The following RIT2 variants were observed in gnomAD, a reference collection of about 807,000 sequenced individuals.
RIT2 encodes the protein Ras like without CAAX 2, also known as GTP-binding protein Rit2.
In RIT2, 24 loss-of-function variants were observed where a neutral mutation model predicts 23.7. The ratio of observed to expected loss-of-function variants is 1.01; its 90% CI spans 0.73 to 1.43. RIT2 has a LOEUF of 1.43. RIT2 is among the 40% of genes most tolerant of loss of function. The pLI, the probability that RIT2 is intolerant of heterozygous loss-of-function variation, is 0.00. For missense variants in RIT2, 236 were observed against 266.9 expected (o/e 0.88, Z 0.81); for synonymous variants, 107 against 91.1 (o/e 1.17, Z -0.99).
intron 3 of RIT2, among the ~76,000 whole-genome samples, chr18:42,968,507 A>T (rs1910289969): frequency 6.6e-6 from 1 of 152,180 alleles, no homozygotes; most frequent in South Asian, 2.1e-4. Flanking sequence ...GGGTATGCTT[A>T]GTTCTATCAG....
At chr18:42,967,563 TTG>T (rs1568042221) in intron 3 of RIT2, among the ~76,000 whole-genome samples, 19 of 135,172 alleles carry the variant, frequency 1.4e-4, no homozygotes, top group Middle Eastern at 3.9e-3. Context: ...TTTTTTTTTT[TTG>T]TATTTTTAGT....
At chr18:43,074,142 T>G (rs1912959413) in intron 1 of RIT2, among the ~76,000 whole-genome samples, 1 of 152,158 alleles carries the variant, frequency 6.6e-6, no homozygotes, top group Non-Finnish European at 1.5e-5. Context: ...TTTTGCTATT[T>G]AGGAGCAGCA....
chr18:42,828,703 G>A (rs916098039), intron 4 of RIT2, among the ~76,000 whole-genome samples: 5 of 152,108 alleles, frequency 3.3e-5, no homozygotes, highest in African/African-American at 4.8e-5. Context: ...AAAGTCAAGG[G>A]AACTGTCACC....
chr18:43,052,911 T>C (rs879440699), intron 1 of RIT2, among the ~76,000 whole-genome samples: 19 of 152,052 alleles, frequency 1.2e-4, no homozygotes, highest in East Asian at 3.9e-4. Flanking sequence ...TAAAGGCACA[T>C]TGCATATTTT....
intron 2 of RIT2, among the ~76,000 whole-genome samples, chr18:43,025,619 C>T (rs975880523): frequency 8.6e-5 from 13 of 151,910 alleles, no homozygotes; most frequent in Admixed American, 8.5e-4. Flanking sequence ...ATATGTCACA[C>T]ACACACATAT....
chr18:42,759,760 G>GATAT (rs149291326), intron 4 of RIT2, among the ~76,000 whole-genome samples: 3,206 of 130,624 alleles, frequency 0.025, 57 homozygotes, highest in African/African-American at 0.044. Flanking sequence ...CACACATACG[G>GATAT]ATATATATAT....
At chr18:42,974,206 T>C in intron 2 of RIT2, 59 bp from the exon 3 acceptor site, 2 of 1,145,818 alleles carry the variant, frequency 1.7e-6, no homozygotes, top group Non-Finnish European at 2.6e-6. Context: ...TTATTAATTT[T>C]TAGATTTCAT....
At chr18:42,776,462 CA>C in intron 4 of RIT2, among the ~76,000 whole-genome samples, 1 of 152,148 alleles carries the variant, frequency 6.6e-6, no homozygotes, top group Non-Finnish European at 1.5e-5. Flanking sequence ...ACTACAAATG[CA>C]TGCACTCTGT....
intron 4 of RIT2, among the ~76,000 whole-genome samples, chr18:42,895,876 A>C (rs1306293313): frequency 6.6e-6 from 1 of 152,218 alleles, no homozygotes. Context: ...TCTATAAGGA[A>C]ACACATCAAA....
At chr18:42,996,136 C>G (rs1291947796) in intron 2 of RIT2, among the ~76,000 whole-genome samples, 1 of 152,120 alleles carries the variant, frequency 6.6e-6, no homozygotes, top group South Asian at 2.1e-4. Flanking sequence ...TCAATTCATA[C>G]AAAACCGTAT....
At chr18:42,807,622 A>AAAAAC (rs1414561036) in intron 4 of RIT2, among the ~76,000 whole-genome samples, 3 of 152,334 alleles carry the variant, frequency 2.0e-5, no homozygotes, top group Admixed American at 1.3e-4. Context: ...CGTCTCAAAC[A>AAAAAC]AAAACAAAAC....
At chr18:43,042,114 C>T (rs1241379997) in intron 1 of RIT2, among the ~76,000 whole-genome samples, 1 of 152,028 alleles carries the variant, frequency 6.6e-6, no homozygotes, top group Admixed American at 6.6e-5. Context: ...AATTGATGTC[C>T]TGTCAGTGAA....
chr18:43,078,567 G>A (rs1306380256), intron 1 of RIT2, among the ~76,000 whole-genome samples: 1 of 152,002 alleles, frequency 6.6e-6, no homozygotes, highest in African/African-American at 2.4e-5. Flanking sequence ...TCCTTGCATC[G>A]CGCACATGCT....
rs780426374 is a variant in RIT2, at chr18:43,115,487, C to T, written c.33G>A (p.Pro11=). Residue 11 remains proline, a synonymous_variant, in exon 1 of 5, where the codon CCG becomes CCA. Coordinates refer to ENST00000326695, the MANE Select transcript of RIT2 (RefSeq NM_002930.4). MEVENEASCS[P]GSASGGSREY... ...CTCTGGACCCGCCTGATGCGCTGCCCGGGGAGCAGCTGGCTTCATTTTCTA... is the reference window on the plus strand; with the variant it reads ...CTCTGGACCCGCCTGATGCGCTGCCTGGGGAGCAGCTGGCTTCATTTTCTA... The T allele has an allele frequency of 2.5e-6, 4 of 1,613,394 alleles. No individual in the cohort carries two copies. The highest frequency in any genetic ancestry group is 3.3e-5 in the Admixed American group (2 of 59,850).
intron 1 of RIT2, among the ~76,000 whole-genome samples, chr18:43,105,954 C>A (rs542926181): frequency 2.0e-5 from 3 of 152,192 alleles, no homozygotes; most frequent in Non-Finnish European, 4.4e-5. Context: ...TGGTAACGAG[C>A]ACAGTGGACA....
chr18:43,115,559 C>A lies in RIT2; in HGVS notation c.-40G>T. ...CGGAGGAAAAAAAGAAGGAGAAAGT[C>A]ACCCGTGTCAGGTGCTTGCTCGAAT... On this transcript the variant is annotated 5_prime_UTR_variant, in exon 1 of 5. Coordinates refer to ENST00000326695, the MANE Select transcript of RIT2 (RefSeq NM_002930.4). 6.3e-7 allele frequency: 1 copy of A among 1,597,580 alleles called. No individual in the cohort carries two copies. Among genetic ancestry groups the A allele is most frequent in the South Asian group, 1.1e-5 (1 of 88,646 alleles).
intron 4 of RIT2, among the ~76,000 whole-genome samples, chr18:42,749,373 A>G (rs188285219): frequency 2.3e-4 from 35 of 151,964 alleles, no homozygotes; most frequent in Admixed American, 1.2e-3. Context: ...AAAAAGCATA[A>G]ACACTCAAAT....
At chr18:42,972,796 A>G (rs930218846) in intron 3 of RIT2, among the ~76,000 whole-genome samples, 3 of 151,836 alleles carry the variant, frequency 2.0e-5, no homozygotes, top group Non-Finnish European at 4.4e-5. Flanking sequence ...AAAATTATAA[A>G]CAGGATGTGT....
intron 3 of RIT2, among the ~76,000 whole-genome samples, chr18:42,968,692 C>A (rs909645274): frequency 2.0e-5 from 3 of 152,152 alleles, no homozygotes; most frequent in Non-Finnish European, 4.4e-5. Flanking sequence ...TCATATATTT[C>A]TGACTATATG....
Sources: gnomAD v4.1 joint callset for allele counts (sites outside exome capture counted in the v4.1 genomes callset) on GRCh38, gnomAD v4.1.1 for gene constraint, MANE v1.5 for transcripts, NCBI Gene and HGNC (gene_info 2026-07-23, HGNC 2026-07-21) for gene names.